The following ZNF107 variants were observed in gnomAD, a reference collection of about 807,000 sequenced individuals.
The protein encoded by ZNF107 is C2H2 type zinc-finger protein.
A neutral mutation model predicts 12.3 loss-of-function variants in ZNF107; 19 were observed. The ratio of observed to expected loss-of-function variants is 1.55; its 90% CI spans 1.08 to 2.27. The LOEUF is 2.27. Ranked by LOEUF, ZNF107 falls within the 30% of genes most tolerant of loss-of-function variation. The pLI is 0.00. For missense variants in ZNF107, 958 were observed against 979.9 expected (o/e 0.98, Z 0.30); for synonymous variants, 317 against 330.5 (o/e 0.96, Z 0.44).
chr7:64,679,168 T>C, intron 1 of ZNF107: 1 of 984,566 alleles, frequency 1.0e-6, no homozygotes, highest in Non-Finnish European at 1.2e-6. Flanking sequence ...GGTTTTCTCT[T>C]CAATCCAGAC....
chr7:64,670,697 A>G (rs925020677), intron 1 of ZNF107, among the ~76,000 whole-genome samples: 1 of 152,156 alleles, frequency 6.6e-6, no homozygotes, highest in African/African-American at 2.4e-5. Context: ...AATCGCAGCT[A>G]TTTACCAGGA....
chr7:64,673,512 A>G (rs1043234010), intron 1 of ZNF107, among the ~76,000 whole-genome samples: 1 of 152,100 alleles, frequency 6.6e-6, no homozygotes, highest in African/African-American at 2.4e-5. Flanking sequence ...GTTTGCAAAT[A>G]TTTTATTTTA....
At chr7:64,667,460 C>T (rs1377072992) in intron 1 of ZNF107, among the ~76,000 whole-genome samples, 1 of 130,500 alleles carries the variant, frequency 7.7e-6, no homozygotes, top group African/African-American at 2.5e-5. Flanking sequence ...CTTTTATCTT[C>T]CCTAGGCGCA....
intron 3 of ZNF107, among the ~76,000 whole-genome samples, chr7:64,704,959 G>A (rs149764779): frequency 2.0e-3 from 306 of 152,298 alleles, no homozygotes; most frequent in African/African-American, 7.1e-3. Context: ...GATTACAGAC[G>A]TGAGCCATCG....
chr7:64,671,804 C>T (rs1382177324), intron 1 of ZNF107, among the ~76,000 whole-genome samples: 2 of 118,706 alleles, frequency 1.7e-5, no homozygotes, highest in East Asian at 2.6e-4. Context: ...TTTTTTGAGG[C>T]AGAGTCTCGC....
intron 1 of ZNF107, 127 bp downstream of exon 1, chr7:64,666,412 C>T: frequency 7.7e-7 from 1 of 1,295,166 alleles, no homozygotes; most frequent in Non-Finnish European, 1.1e-6. Context: ...GCAGCTCGGC[C>T]CTCAGTCCCC....
chr7:64,700,641 G>C (rs1190782762), intron 3 of ZNF107, among the ~76,000 whole-genome samples: 2 of 143,306 alleles, frequency 1.4e-5, no homozygotes, highest in Non-Finnish European at 3.0e-5. Context: ...CTGGGTTCAA[G>C]TGATTCTTCT....
chr7:64,670,743 T>C (rs1431079992), intron 1 of ZNF107, among the ~76,000 whole-genome samples: 5 of 152,214 alleles, frequency 3.3e-5, no homozygotes, highest in African/African-American at 1.2e-4. Flanking sequence ...ATCTCTTTTC[T>C]TTGTCCTATA....
chr7:64,690,887 A>C (rs1000795059), intron 1 of ZNF107, among the ~76,000 whole-genome samples: 1 of 152,130 alleles, frequency 6.6e-6, no homozygotes, highest in South Asian at 2.1e-4. Flanking sequence ...GATTACAGAC[A>C]TGTGCCACTG....
chr7:64,676,936 T>A (rs1419467769), intron 1 of ZNF107, among the ~76,000 whole-genome samples: 1 of 152,168 alleles, frequency 6.6e-6, no homozygotes. Flanking sequence ...TTAAAAAAAA[T>A]GCAGATTCAC....
intron 3 of ZNF107, 116 bp from the exon 4 acceptor site, chr7:64,706,208 G>T: frequency 2.2e-6 from 2 of 927,952 alleles, no homozygotes; most frequent in Admixed American, 3.3e-5. Flanking sequence ...TAGAGCCTGT[G>T]GTATTTTGCT....
rs997783562 is a variant in ZNF107, at chr7:64,711,529, A to ATATT, written c.*2875_*2876insTTTA. 1 of 151,076 alleles carries ATATT rather than the reference A, an allele frequency of 6.6e-6. No individual in the cohort carries two copies. The highest frequency in any genetic ancestry group is 1.5e-5 in the Non-Finnish European group (1 of 67,882). The allele number at this position is 151,076 out of a possible 1,614,324, so 9.4% of individuals were successfully genotyped here. A position where few individuals can be genotyped will look rare whatever the true frequency, so the allele number is the denominator to read the frequency against. On this transcript the variant is annotated 3_prime_UTR_variant, in exon 4 of 4. Transcript: ENST00000620827. ...GTTATAATAAAAATTATATACAAGT[A>ATATT]TAAATAAACCATGAGAAAATTCTGA...
chr7:64,681,848 A>G (rs944280735), intron 1 of ZNF107, among the ~76,000 whole-genome samples: 1 of 152,064 alleles, frequency 6.6e-6, no homozygotes, highest in African/African-American at 2.4e-5. Flanking sequence ...TGCCAAACCC[A>G]TATACTCTCT....
chr7:64,690,933 G>C (rs1210308189), intron 1 of ZNF107, among the ~76,000 whole-genome samples: 1 of 152,130 alleles, frequency 6.6e-6, no homozygotes, highest in Non-Finnish European at 1.5e-5. Context: ...TAGAGACGGG[G>C]TTTCACCATG....
chr7:64,693,892 G>A (rs939747127), intron 3 of ZNF107, among the ~76,000 whole-genome samples: 1 of 152,082 alleles, frequency 6.6e-6, no homozygotes, highest in Admixed American at 6.5e-5. Context: ...GGGTTCAAGC[G>A]ATTCTCGTGC....
chr7:64,677,544 T>C (rs1789464835), intron 1 of ZNF107, among the ~76,000 whole-genome samples: 1 of 150,570 alleles, frequency 6.6e-6, no homozygotes, highest in African/African-American at 2.4e-5. Context: ...TTGCATACAG[T>C]GTGCAAAATT....
intron 1 of ZNF107, among the ~76,000 whole-genome samples, chr7:64,682,458 TC>T: frequency 6.6e-6 from 1 of 152,044 alleles, no homozygotes; most frequent in Admixed American, 6.5e-5. Context: ...CCCCAAACCT[TC>T]CCTCATTCAT....
intron 1 of ZNF107, among the ~76,000 whole-genome samples, chr7:64,675,577 T>C (rs774181104): frequency 6.6e-6 from 1 of 152,200 alleles, no homozygotes; most frequent in Admixed American, 6.5e-5. Context: ...TGTATAGTTT[T>C]TCATGTCTAA....
At chr7:64,685,308 G>A (rs1562831596) in intron 1 of ZNF107, among the ~76,000 whole-genome samples, 1 of 152,188 alleles carries the variant, frequency 6.6e-6, no homozygotes, top group Non-Finnish European at 1.5e-5. Context: ...ACGCCTTGCA[G>A]CTTCAAGCCC....
Sources: gnomAD v4.1 joint callset for allele counts (sites outside exome capture counted in the v4.1 genomes callset) on GRCh38, gnomAD v4.1.1 for gene constraint, MANE v1.5 for transcripts, NCBI Gene and HGNC (gene_info 2026-07-23, HGNC 2026-07-21) for gene names.